Variants in UST observed in about 807,000 individuals in gnomAD.
UST encodes the protein uronyl 2-sulfotransferase.
In UST, 21 loss-of-function variants were observed where a neutral mutation model predicts 45.6. The observed-to-expected ratio is 0.46, with a 90% CI of 0.33 to 0.66. The LOEUF (loss-of-function observed/expected upper bound fraction) is 0.66, where lower values mean the gene tolerates loss of function less well. Among genes scored for constraint, UST ranks in the 30% least tolerant of loss-of-function variants. The pLI is 0.02. For synonymous variants in UST, 215 were observed against 200.6 expected, an observed-to-expected ratio of 1.07 and a Z score of -0.61; for missense variants, 463 against 512.4, an observed-to-expected ratio of 0.90 and a Z score of 0.93.
At chr6:149,030,967 G>T (rs926879970) in intron 7 of UST, among the ~76,000 whole-genome samples, 21 of 152,134 alleles carry the variant, frequency 1.4e-4, no homozygotes, top group Admixed American at 9.2e-4. Context: ...TCAACATTTT[G>T]TTAAGCCAAG....
chr6:149,021,168 G>A (rs1775973996), intron 6 of UST, among the ~76,000 whole-genome samples, 156 bp from the exon 7 acceptor site: 1 of 152,208 alleles, frequency 6.6e-6, no homozygotes, highest in African/African-American at 2.4e-5. Flanking sequence ...GGACTGGGAA[G>A]GCCCTGGATG....
intron 1 of UST, among the ~76,000 whole-genome samples, chr6:148,886,441 A>T (rs762988857): frequency 3.9e-5 from 6 of 152,244 alleles, no homozygotes; most frequent in Non-Finnish European, 5.9e-5. Flanking sequence ...GAATACACAC[A>T]TGCCAGTAAA....
At chr6:148,951,204 T>C (rs572129619) in intron 3 of UST, among the ~76,000 whole-genome samples, 11 of 152,168 alleles carry the variant, frequency 7.2e-5, no homozygotes, top group Admixed American at 2.0e-4. Context: ...CAACACACCA[T>C]TGAATTATGG....
At chr6:148,793,332 G>A (rs536674878) in intron 1 of UST, among the ~76,000 whole-genome samples, 7 of 152,050 alleles carry the variant, frequency 4.6e-5, no homozygotes, top group South Asian at 2.1e-4. Context: ...ATAAAGAAAC[G>A]TACGCAAATC....
At chr6:148,984,526 A>G (rs1450084412) in intron 5 of UST, among the ~76,000 whole-genome samples, 2 of 152,240 alleles carry the variant, frequency 1.3e-5, no homozygotes, top group Non-Finnish European at 2.9e-5. Flanking sequence ...GCATTTATTT[A>G]TTTATTTTTA....
At position 148,822,611 on chromosome 6, in the gene UST, C is replaced by G. The variant is rs1300591177; in HGVS notation, c.248-64375C>G. ...GCATTGTCTCAAGGCAGGTTTTTGA[C>G]TTCTACAGCCTCAGTAGCCATGAGG... is the stretch of plus-strand genomic sequence containing the variant. On this transcript the variant is annotated intron_variant, in intron 1 of 7. Transcript: ENST00000367463. Among the ~76,000 whole-genome samples, 3 of 152,318 alleles carry G rather than the reference C, an allele frequency of 2.0e-5. No individual in the cohort carries two copies. In the East Asian group the frequency reaches 5.8e-4, roughly 29 times the overall value.
chr6:148,872,460 C>T (rs17079198), intron 1 of UST, among the ~76,000 whole-genome samples: 1,700 of 143,892 alleles, frequency 0.012, 30 homozygotes, highest in African/African-American at 0.047. Flanking sequence ...GACCTCTCTT[C>T]GGATTTCCAA....
intron 1 of UST, among the ~76,000 whole-genome samples, chr6:148,868,033 A>C (rs1778479075): frequency 6.6e-6 from 1 of 152,134 alleles, no homozygotes; most frequent in African/African-American, 2.4e-5. Context: ...TGAGCCTGCC[A>C]CTGATGAGCA....
chr6:149,014,564 A>G (rs1266442661), intron 5 of UST, among the ~76,000 whole-genome samples: 1 of 152,196 alleles, frequency 6.6e-6, no homozygotes, highest in African/African-American at 2.4e-5. Flanking sequence ...AATGGCCAGC[A>G]TGGAAGGAAG....
At chr6:148,922,856 G>A (rs1435286683) in intron 2 of UST, among the ~76,000 whole-genome samples, 3 of 151,936 alleles carry the variant, frequency 2.0e-5, no homozygotes, top group Admixed American at 6.6e-5. Flanking sequence ...GCAGTGGCAC[G>A]ATCTCGGCTT....
At chr6:148,963,305 C>T (rs947412496) in intron 4 of UST, among the ~76,000 whole-genome samples, 20 of 152,162 alleles carry the variant, frequency 1.3e-4, no homozygotes, top group African/African-American at 3.6e-4. Context: ...CAGAAGGTCA[C>T]GAGGCCATAG....
intron 1 of UST, among the ~76,000 whole-genome samples, chr6:148,834,928 C>T (rs1288376197): frequency 1.3e-5 from 2 of 152,050 alleles, no homozygotes; most frequent in Non-Finnish European, 2.9e-5. Context: ...ATGGAGTGCC[C>T]AAAGTATACA....
intron 1 of UST, among the ~76,000 whole-genome samples, chr6:148,837,972 G>A (rs993236772): frequency 2.0e-5 from 3 of 152,198 alleles, no homozygotes; most frequent in African/African-American, 2.4e-5. Context: ...ATGAGCCACC[G>A]TGCCTGGCCA....
In UST at chr6:148,904,447, T is replaced by C. The variant is rs1350667889; in HGVS notation, c.291+17418T>C. ...TAAGATCATTCTTATTTTATATATA[T>C]AATAAAATAAGAAAATTAGCAAAAA... On this transcript the variant is annotated intron_variant, in intron 2 of 7. Coordinates refer to ENST00000367463, the MANE Select transcript of UST (RefSeq NM_005715.3). 2.0e-5 allele frequency among the ~76,000 whole-genome samples: 3 copies of C among 152,098 alleles called. No individual in the cohort carries two copies. The East Asian group carries it at 5.8e-4, about 29-fold the overall frequency.
At chr6:149,015,219 G>A (rs772514066) in intron 5 of UST, among the ~76,000 whole-genome samples, 2 of 152,264 alleles carry the variant, frequency 1.3e-5, no homozygotes, top group Non-Finnish European at 1.5e-5. Flanking sequence ...AGATCAGAAC[G>A]GAAAAAGACG....
intron 7 of UST, among the ~76,000 whole-genome samples, chr6:149,049,815 C>T (rs922577057): frequency 6.6e-6 from 1 of 152,090 alleles, no homozygotes; most frequent in African/African-American, 2.4e-5. Flanking sequence ...GCCCCTCTCT[C>T]TAAGATATCT....
At chr6:148,857,719 T>A (rs530472749) in intron 1 of UST, among the ~76,000 whole-genome samples, 30 of 145,344 alleles carry the variant, frequency 2.1e-4, no homozygotes, top group African/African-American at 6.4e-4. Flanking sequence ...GCTGAGATCA[T>A]GCCACTGCAC....
intron 5 of UST, among the ~76,000 whole-genome samples, chr6:148,965,251 T>G (rs1290444519): frequency 6.6e-6 from 1 of 151,612 alleles, no homozygotes; most frequent in Non-Finnish European, 1.5e-5. Flanking sequence ...GAGGGCGGAG[T>G]TGCGCGTCTT....
intron 1 of UST, among the ~76,000 whole-genome samples, chr6:148,883,028 T>C (rs184855564): frequency 5.9e-5 from 9 of 152,354 alleles, no homozygotes; most frequent in Non-Finnish European, 1.3e-4. Flanking sequence ...ACTTTTGTCA[T>C]GCGTATCCGC....
Sources: gnomAD v4.1 joint callset for allele counts (sites outside exome capture counted in the v4.1 genomes callset) on GRCh38, gnomAD v4.1.1 for gene constraint, MANE v1.5 for transcripts, NCBI Gene and HGNC (gene_info 2026-07-23, HGNC 2026-07-21) for gene names.